The following EFCAB7 variants were observed in gnomAD, a reference collection of about 807,000 sequenced individuals.
The protein encoded by EFCAB7 is EF-hand calcium-binding domain-containing protein 7.
In EFCAB7, 66 loss-of-function variants were observed where a neutral mutation model predicts 77.1. The ratio of observed to expected loss-of-function variants is 0.86; its 90% CI spans 0.70 to 1.05. The LOEUF (loss-of-function observed/expected upper bound fraction) is 1.05. Ranked by LOEUF, EFCAB7 falls within the 50% of genes least tolerant of loss-of-function variation. EFCAB7 has a pLI of 0.00. For synonymous variants in EFCAB7, 225 were observed against 243.3 expected, an observed-to-expected ratio of 0.92 and a Z score of 0.70; for missense variants, 638 against 730.5, an observed-to-expected ratio of 0.87 and a Z score of 1.46.
At chr1:63,576,950 C>G (rs1049983235), downstream of EFCAB7, among the ~76,000 whole-genome samples, 4 of 151,996 alleles carry the variant, frequency 2.6e-5, no homozygotes, top group African/African-American at 9.7e-5. Context: ...GAGTTCGAAC[C>G]AGCCTGGCCA....
At chr1:63,543,384 C>G (rs1248864629) in intron 6 of EFCAB7, among the ~76,000 whole-genome samples, 1 of 152,104 alleles carries the variant, frequency 6.6e-6, no homozygotes, top group Admixed American at 6.6e-5. Flanking sequence ...AGTCCTCTAG[C>G]TTTATTCGTT....
At chr1:63,565,842 C>CA (rs1029265601) in intron 11 of EFCAB7, among the ~76,000 whole-genome samples, 33 of 152,054 alleles carry the variant, frequency 2.2e-4, no homozygotes, top group African/African-American at 7.7e-4. Context: ...ATTAAAAAGT[C>CA]AAAAAATAAA....
At chr1:63,531,343 GT>G (rs1271329072) in intron 2 of EFCAB7, among the ~76,000 whole-genome samples, 1 of 152,066 alleles carries the variant, frequency 6.6e-6, no homozygotes, top group Non-Finnish European at 1.5e-5. Context: ...CATCCATGTT[GT>G]TGCAGATGAC....
At chr1:63,582,846 C>T in the EFCAB7 span, among the ~76,000 whole-genome samples, 4 of 152,192 alleles carry the variant, frequency 2.6e-5, no homozygotes, top group Non-Finnish European at 5.9e-5. Flanking sequence ...CTCAGGTAAT[C>T]CACCCACCTC....
Position 63,545,987 on chromosome 1 carries a change from C to G in EFCAB7, c.876C>G (p.Tyr292Ter). Residue 292 changes from tyrosine (Y) to a stop codon, truncating the protein, a stop_gained, in exon 7 of 14, where the codon TAC becomes TAG. Transcript: ENST00000371088. LOFTEE classifies it high-confidence loss of function. ...EEDGEIISHQ[Y>*]RMQIAQRSMV... is the part of the protein sequence containing the mutation. ...ATGGTGAAATCATTAGTCATCAGTA[C>G]AGGATGCAAATAGCTCAGAGGTCCA... is the stretch of plus-strand genomic sequence containing the variant. 6.2e-7 allele frequency: 1 copy of G among 1,613,632 alleles called. No homozygotes were observed. The highest frequency in any genetic ancestry group is 1.1e-5 in the South Asian group (1 of 91,060).
In EFCAB7 at chr1:63,534,040, A is replaced by G. The variant is rs1646732636; in HGVS notation, c.683-55A>G. 22 of 1,601,248 alleles carry G rather than the reference A, an allele frequency of 1.4e-5. No individual in the cohort carries two copies. The Admixed American group carries it at 3.2e-4, about 24-fold the overall frequency. The stretch of plus-strand genomic sequence containing the variant: ...TTATACTGCACTGTGTTTGGAAAAA[A>G]CTCCTATTGACAACTTTTCATAATG... On this transcript the variant is annotated intron_variant, in intron 5 of 13. Coordinates refer to ENST00000371088, the MANE Select transcript of EFCAB7 (RefSeq NM_032437.4).
At chr1:63,536,612 C>G (rs1646766254) in intron 6 of EFCAB7, 1 of 152,150 alleles carries the variant, frequency 6.6e-6, no homozygotes, top group South Asian at 2.1e-4. Context: ...AGCTCCTGAC[C>G]TCAAGTGATC....
chr1:63,553,380 C>T (rs1020033206), intron 8 of EFCAB7, among the ~76,000 whole-genome samples: 2 of 152,144 alleles, frequency 1.3e-5, no homozygotes, highest in Non-Finnish European at 1.5e-5. Context: ...CTTGCTCTGT[C>T]GCCAGGCTGG....
chr1:63,534,249 C>G (rs771341590), intron 6 of EFCAB7, 33 bp downstream of exon 6: 1 of 1,587,368 alleles, frequency 6.3e-7, no homozygotes, highest in Non-Finnish European at 8.6e-7. Context: ...ATGACTTTTT[C>G]TGAAAAAAAT....
chr1:63,524,729 C>A (rs193206293), intron 1 of EFCAB7, among the ~76,000 whole-genome samples: 1 of 152,224 alleles, frequency 6.6e-6, no homozygotes, highest in South Asian at 2.1e-4. Context: ...AGAAACTGTT[C>A]GTGAAATTTA....
intron 10 of EFCAB7, among the ~76,000 whole-genome samples, chr1:63,560,710 T>G (rs1356823782): frequency 6.6e-6 from 1 of 151,990 alleles, no homozygotes; most frequent in Admixed American, 6.6e-5. Flanking sequence ...TTAGTAGAGA[T>G]GGGGTTTCAC....
downstream of EFCAB7, among the ~76,000 whole-genome samples, chr1:63,576,981 T>C (rs1214784949): frequency 1.3e-5 from 2 of 151,926 alleles, no homozygotes; most frequent in Non-Finnish European, 2.9e-5. Context: ...ACCCCATCTG[T>C]ACTAAAAATA....
At chr1:63,561,446 G>T (rs1470615232) in intron 10 of EFCAB7, among the ~76,000 whole-genome samples, 5 of 152,102 alleles carry the variant, frequency 3.3e-5, no homozygotes, top group Admixed American at 6.6e-5. Flanking sequence ...TCTAATTTTA[G>T]AATATATTTG....
intron 11 of EFCAB7, among the ~76,000 whole-genome samples, chr1:63,563,684 C>T (rs1647136879): frequency 6.6e-6 from 1 of 152,144 alleles, no homozygotes; most frequent in Non-Finnish European, 1.5e-5. Context: ...GGAGCTGTTC[C>T]TCATCAGTTG....
intron 6 of EFCAB7, among the ~76,000 whole-genome samples, chr1:63,537,401 CAT>C (rs1376594729): frequency 2.6e-5 from 4 of 152,168 alleles, no homozygotes; most frequent in Admixed American, 6.5e-5. Flanking sequence ...ACATCACACA[CAT>C]GTTGTACAAC....
At chr1:63,579,519 T>C in the EFCAB7 span, among the ~76,000 whole-genome samples, 3 of 152,198 alleles carry the variant, frequency 2.0e-5, no homozygotes, top group Non-Finnish European at 2.9e-5. Flanking sequence ...CATCTACAGA[T>C]TTTTACATGA....
At chr1:63,565,757 A>G (rs1647163491) in intron 11 of EFCAB7, among the ~76,000 whole-genome samples, 2 of 152,240 alleles carry the variant, frequency 1.3e-5, no homozygotes, top group Non-Finnish European at 2.9e-5. Flanking sequence ...AATCATATGA[A>G]AAAAAGTTCG....
At chr1:63,545,528 G>A (rs779495345) in intron 6 of EFCAB7, among the ~76,000 whole-genome samples, 15 of 152,152 alleles carry the variant, frequency 9.9e-5, no homozygotes, top group African/African-American at 3.4e-4. Context: ...GTACAATGGC[G>A]CGATCTCGGC....
At chr1:63,540,654 A>T (rs150951380) in intron 6 of EFCAB7, among the ~76,000 whole-genome samples, 1,869 of 152,248 alleles carry the variant, frequency 0.012, 38 homozygotes, top group African/African-American at 0.043. Context: ...GATGTTGTTG[A>T]AATATTATAT....
Sources: gnomAD v4.1 joint callset for allele counts (sites outside exome capture counted in the v4.1 genomes callset) on GRCh38, gnomAD v4.1.1 for gene constraint, MANE v1.5 for transcripts, NCBI Gene and HGNC (gene_info 2026-07-23, HGNC 2026-07-21) for gene names.